The following CEP70 variants were observed in gnomAD, a reference collection of about 807,000 sequenced individuals.
CEP70 encodes centrosomal protein 70.
CEP70 carries 70 observed loss-of-function variants against 90.9 expected under a neutral mutation model. The ratio of observed to expected loss-of-function variants is 0.77; its 90% CI spans 0.64 to 0.94. The LOEUF (loss-of-function observed/expected upper bound fraction) is 0.94, where lower values mean the gene tolerates loss of function less well. Ranked by LOEUF, CEP70 falls within the 40% of genes least tolerant of loss-of-function variation. The pLI is 0.00. For synonymous variants in CEP70, 220 were observed against 228.3 expected, an observed-to-expected ratio of 0.96 and a Z score of 0.33; for missense variants, 648 against 669.0, an observed-to-expected ratio of 0.97 and a Z score of 0.35.
Position 138,591,878 on chromosome 3 carries a change from C to T in CEP70, c.-30G>A. 1 of 1,515,030 alleles carries T rather than the reference C, an allele frequency of 6.6e-7. No homozygotes were observed. The highest frequency in any genetic ancestry group is 1.2e-5 in the South Asian group (1 of 80,352). The allele number at this position is 1,515,030 out of a possible 1,614,324, so 93.8% of individuals were successfully genotyped here. On this transcript the variant is annotated 5_prime_UTR_variant, in exon 2 of 18. Transcript: ENST00000264982. Reference sequence around the variant, plus strand: ...CCTCAGTCATAGCATATTACTCTTGCACTTTACACCTGGTCATTCAGGTTG... The same window carrying T: ...CCTCAGTCATAGCATATTACTCTTGTACTTTACACCTGGTCATTCAGGTTG...
intron 16 of CEP70, among the ~76,000 whole-genome samples, chr3:138,498,940 G>A (rs1337156420): frequency 6.6e-6 from 1 of 151,894 alleles, no homozygotes; most frequent in Non-Finnish European, 1.5e-5. Flanking sequence ...CAGCCACTCA[G>A]GAGGCTGAGG....
intron 6 of CEP70, among the ~76,000 whole-genome samples, chr3:138,554,104 G>T (rs758033669): frequency 7.9e-5 from 12 of 151,922 alleles, no homozygotes; most frequent in Non-Finnish European, 1.6e-4. Flanking sequence ...AGGAGACTGA[G>T]GCAGGAGAAT....
At chr3:138,505,255 A>G in intron 13 of CEP70, 40 bp downstream of exon 13, 1 of 1,482,552 alleles carries the variant, frequency 6.7e-7, no homozygotes. Context: ...CATAGAGTCC[A>G]ATAGATGTTC....
chr3:138,529,020 G>C (rs2037553327), intron 10 of CEP70, among the ~76,000 whole-genome samples, 179 bp downstream of exon 10: 1 of 151,964 alleles, frequency 6.6e-6, no homozygotes, highest in Non-Finnish European at 1.5e-5. Context: ...TTTAAAATTA[G>C]CTGGGTGTGG....
chr3:138,588,325 AG>A (rs1430454631), intron 2 of CEP70, among the ~76,000 whole-genome samples: 2 of 152,248 alleles, frequency 1.3e-5, no homozygotes, highest in Non-Finnish European at 2.9e-5. Context: ...GAAAATAGTC[AG>A]GAATCAGAAA....
chr3:138,498,981 G>A (rs775886924), intron 16 of CEP70, among the ~76,000 whole-genome samples: 5 of 151,894 alleles, frequency 3.3e-5, no homozygotes, highest in Non-Finnish European at 1.5e-5. Context: ...GGGAGGCGGA[G>A]GTTGCAGTGA....
chr3:138,551,590 A>G (rs772743929), intron 6 of CEP70, among the ~76,000 whole-genome samples: 12 of 152,094 alleles, frequency 7.9e-5, no homozygotes, highest in Non-Finnish European at 1.8e-4. Context: ...TACTAAAAAT[A>G]CAAAAATTCA....
At chr3:138,521,997 C>G (rs1248795835) in intron 11 of CEP70, among the ~76,000 whole-genome samples, 1 of 152,196 alleles carries the variant, frequency 6.6e-6, no homozygotes, top group Non-Finnish European at 1.5e-5. Context: ...CAACCCCTTG[C>G]TCTCTGAAAC....
At position 138,571,056 on chromosome 3, in the gene CEP70, T is replaced by C; in HGVS notation, c.262A>G (p.Ile88Val). 1.3e-6 allele frequency: 2 copies of C among 1,599,636 alleles called. No homozygotes were observed. Among genetic ancestry groups the C allele is most frequent in the Non-Finnish European group, 1.7e-6 (2 of 1,173,894 alleles). ...CACCTAAGCTGTTGATTAGTTTCTA[T>C]AAGCTCCTGTATCATGTTCTGTTGA... ...SCQQNMIQEL[I>V]ETNQQLRNEL... The change falls in exon 5 of 18, where the codon ATA (isoleucine) becomes GTA (valine). Residue 88 changes from isoleucine to valine, a missense_variant. Ile to Val is a conservative substitution (Grantham distance 29). Transcript: ENST00000264982.
intron 2 of CEP70, among the ~76,000 whole-genome samples, chr3:138,576,321 A>C (rs1576914043): frequency 1.3e-5 from 2 of 152,338 alleles, no homozygotes; most frequent in African/African-American, 4.8e-5. Context: ...GATAAAACAG[A>C]CTTTAAACCA....
At chr3:138,501,927 A>G (rs1026857548) in intron 13 of CEP70, among the ~76,000 whole-genome samples, 2 of 152,112 alleles carry the variant, frequency 1.3e-5, no homozygotes, top group Non-Finnish European at 2.9e-5. Context: ...TTCTGCAAAT[A>G]CTCCAAAATC....
chr3:138,556,036 A>G (rs566688014), intron 6 of CEP70, among the ~76,000 whole-genome samples: 1 of 152,338 alleles, frequency 6.6e-6, no homozygotes, highest in African/African-American at 2.4e-5. Flanking sequence ...CCATCAATCA[A>G]CAAGTGGATA....
intron 10 of CEP70, among the ~76,000 whole-genome samples, 159 bp from the exon 11 acceptor site, chr3:138,525,723 A>G (rs1194756330): frequency 4.6e-5 from 7 of 152,210 alleles, no homozygotes; most frequent in Non-Finnish European, 8.8e-5. Context: ...TTTACTGGCC[A>G]TTTAGATTTC....
At chr3:138,502,238 T>C (rs185746893) in intron 13 of CEP70, among the ~76,000 whole-genome samples, 43 of 152,270 alleles carry the variant, frequency 2.8e-4, no homozygotes, top group African/African-American at 7.9e-4. Context: ...CCAGTGTATA[T>C]TTTACACTTA....
chr3:138,579,063 T>C (rs559240421), intron 2 of CEP70, among the ~76,000 whole-genome samples: 49 of 152,270 alleles, frequency 3.2e-4, no homozygotes, highest in Admixed American at 9.2e-4. Context: ...AGAGAGAATC[T>C]GTGCACTTAG....
At chr3:138,544,509 G>GTGTGTGTA (rs1553853610) in intron 6 of CEP70, among the ~76,000 whole-genome samples, 4 of 149,088 alleles carry the variant, frequency 2.7e-5, no homozygotes, top group Non-Finnish European at 4.5e-5. Flanking sequence ...ACTACAGAGT[G>GTGTGTGTA]TGTATGTATG....
chr3:138,523,906 C>T (rs959941996), intron 11 of CEP70, among the ~76,000 whole-genome samples: 13 of 151,814 alleles, frequency 8.6e-5, no homozygotes, highest in Admixed American at 3.3e-4. Context: ...AAAAAGAGCC[C>T]GCATTGCCAA....
chr3:138,579,610 C>G (rs2041743414), intron 2 of CEP70, among the ~76,000 whole-genome samples: 1 of 151,880 alleles, frequency 6.6e-6, no homozygotes, highest in South Asian at 2.1e-4. Flanking sequence ...TAGACACATC[C>G]TTGGCCAGAA....
At chr3:138,500,999 A>G in intron 13 of CEP70, 118 bp from the exon 14 acceptor site, 1 of 363,696 alleles carries the variant, frequency 2.7e-6, no homozygotes, top group Non-Finnish European at 4.5e-6. Context: ...TAAAATTAAT[A>G]AAACATAATT....
Sources: gnomAD v4.1 joint callset for allele counts (sites outside exome capture counted in the v4.1 genomes callset) on GRCh38, gnomAD v4.1.1 for gene constraint, MANE v1.5 for transcripts, NCBI Gene and HGNC (gene_info 2026-07-23, HGNC 2026-07-21) for gene names.